Variants in PIM1 observed in about 807,000 individuals in gnomAD.
The protein encoded by PIM1 is serine/threonine-protein kinase pim-1.
In PIM1, 9 loss-of-function variants were observed where a neutral mutation model predicts 34.5. The ratio of observed to expected loss-of-function variants is 0.26; its 90% confidence interval spans 0.16 to 0.46. The LOEUF is 0.46. Ranked by LOEUF, PIM1 falls within the 20% of genes least tolerant of loss-of-function variation. The probability of loss-of-function intolerance (pLI) is 1.00; values close to 1 mark genes in which losing one functional copy is unlikely to be tolerated. For synonymous variants in PIM1, 199 were observed against 175.2 expected, an observed-to-expected ratio of 1.14 and a Z score of -1.07; for missense variants, 274 against 410.9, an observed-to-expected ratio of 0.67 and a Z score of 2.88.
At position 37,170,219 on chromosome 6, in the gene PIM1, A is replaced by C; in HGVS notation, c.-357A>C. 7.9e-7 allele frequency: 1 copy of C among 1,258,904 alleles called. No homozygotes were observed. Among genetic ancestry groups the C allele is most frequent in the Non-Finnish European group, 1.0e-6 (1 of 995,152 alleles). The allele number at this position is 1,258,904 out of a possible 1,614,324, so 78.0% of individuals were successfully genotyped here. ...GCGGTGGCTGAGGAGGCCCGAGAGG[A>C]GTCGGTGGCAGCGGCGGCGGCGGGA... On this transcript the variant is annotated 5_prime_UTR_variant, in exon 1 of 6. Coordinates refer to ENST00000373509, the MANE Select transcript of PIM1 (RefSeq NM_002648.4).
Position 37,173,977 on chromosome 6 carries a change from A to T in PIM1, c.828A>T (p.Ser276=). The part of the protein sequence containing the change: ...LIRWCLALRP[S]DRPTFEEIQN... ...GATGGTGCTTGGCCCTGAGACCATC[A>T]GATAGGCCAACCTTCGAAGAAATCC... Residue 276 remains serine (S), a synonymous_variant, in exon 6 of 6, where the codon TCA becomes TCT. Transcript: ENST00000373509. 1 of 1,614,062 alleles carries T rather than the reference A, an allele frequency of 6.2e-7. No individual in the cohort carries two copies. Among genetic ancestry groups the T allele is most frequent in the South Asian group, 1.1e-5 (1 of 91,076 alleles).
chr6:37,171,804 T>A (rs915873789), intron 4 of PIM1, among the ~76,000 whole-genome samples: 2 of 151,570 alleles, frequency 1.3e-5, no homozygotes, highest in Non-Finnish European at 3.0e-5. Context: ...TGACCCAGTT[T>A]CCCCGCCAGT....
Position 37,175,291 on chromosome 6 carries a change from G to A in PIM1, c.*1200G>A. 1 of 233,658 alleles carries A rather than the reference G, an allele frequency of 4.3e-6. No homozygotes were observed. Among genetic ancestry groups the A allele is most frequent in the East Asian group, 6.0e-5 (1 of 16,596 alleles). The allele number at this position is 233,658 out of a possible 1,614,324, so 14.5% of individuals were successfully genotyped here. On this transcript the variant is annotated 3_prime_UTR_variant, in exon 6 of 6. Coordinates refer to ENST00000373509, the MANE Select transcript of PIM1 (RefSeq NM_002648.4). Reference sequence around the variant, plus strand: ...GCAGTTCTGGATGGTGTGCCTTCCAGATCCTCTCTGGGGCTGTGTTTTGAG... The same window carrying A: ...GCAGTTCTGGATGGTGTGCCTTCCAAATCCTCTCTGGGGCTGTGTTTTGAG...
intron 1 of PIM1, 43 bp downstream of exon 1, chr6:37,170,700 G>A (rs1374213540): frequency 1.9e-6 from 3 of 1,605,228 alleles, no homozygotes; most frequent in Non-Finnish European, 2.5e-6. Context: ...GCGGGGCGGC[G>A]GCGGGATCTC....
At position 37,174,984 on chromosome 6, in the gene PIM1, A is replaced by T. The variant is rs1195598330; in HGVS notation, c.*893A>T. On this transcript the variant is annotated 3_prime_UTR_variant, in exon 6 of 6. Coordinates refer to ENST00000373509, the MANE Select transcript of PIM1 (RefSeq NM_002648.4). ...GATGCGCATTCTAACCTGGAGGTCA[A>T]TGTTATGTATTTATTTATTTATTTA... 4.3e-6 allele frequency: 1 copy of T among 233,670 alleles called. No homozygotes were observed. The highest frequency in any genetic ancestry group is 6.0e-5 in the East Asian group (1 of 16,600). The allele number at this position is 233,670 out of a possible 1,614,324, so 14.5% of individuals were successfully genotyped here. A position where few individuals can be genotyped will look rare whatever the true frequency, so the allele number is the denominator to read the frequency against.
chr6:37,174,217 C>A lies in PIM1; in HGVS notation c.*126C>A. 1.1e-6 allele frequency: 1 copy of A among 915,822 alleles called. No homozygotes were observed. The highest frequency in any genetic ancestry group is 1.6e-6 in the Non-Finnish European group (1 of 617,424). The allele number at this position is 915,822 out of a possible 1,614,324, so 56.7% of individuals were successfully genotyped here. On this transcript the variant is annotated 3_prime_UTR_variant, in exon 6 of 6. Coordinates refer to ENST00000373509, the MANE Select transcript of PIM1 (RefSeq NM_002648.4). ...AGGACAGTGCTTGATACAGGAACAACATTTACAACTCATTCCAGATCCCAG... is the reference window on the plus strand; with the variant it reads ...AGGACAGTGCTTGATACAGGAACAAAATTTACAACTCATTCCAGATCCCAG...
At chr6:37,173,448 A>G (rs1355972173) in intron 5 of PIM1, among the ~76,000 whole-genome samples, 1 of 152,246 alleles carries the variant, frequency 6.6e-6, no homozygotes, top group Non-Finnish European at 1.5e-5. Flanking sequence ...AAAGGTACCA[A>G]CAGAAACCTG....
chr6:37,174,040 G>C lies in PIM1; in HGVS notation c.891G>C (p.Gln297His). ...GGATGCAAGATGTTCTCCTGCCCCA[G>C]GAAACTGCTGAGATCCACCTCCACA... ...HPWMQDVLLP[Q>H]ETAEIHLHSL... The change falls in exon 6 of 6, where the codon CAG becomes CAC. Residue 297 changes from glutamine to histidine, a missense_variant. Gln to His is a conservative substitution (Grantham distance 24). Around this residue, in one of 2 missense-constraint regions of PIM1, gnomAD observed 168 missense variants for 299.4 expected, o/e 0.56. Coordinates refer to ENST00000373509, the MANE Select transcript of PIM1 (RefSeq NM_002648.4). 1 of 1,614,064 alleles carries C rather than the reference G, an allele frequency of 6.2e-7. No individual in the cohort carries two copies. Among genetic ancestry groups the C allele is most frequent in the Non-Finnish European group, 8.5e-7 (1 of 1,180,002 alleles).
chr6:37,172,463 C>CTAGGGAGG (rs1762307447), intron 4 of PIM1: 1 of 401,988 alleles, frequency 2.5e-6, no homozygotes, highest in African/African-American at 2.1e-5. Flanking sequence ...CCTTTCCAGT[C>CTAGGGAGG]TAGGGAGGAA....
At chr6:37,172,860 A>G in intron 4 of PIM1, 136 bp from the exon 5 acceptor site, 1 of 787,938 alleles carries the variant, frequency 1.3e-6, no homozygotes, top group Non-Finnish European at 2.2e-6. Flanking sequence ...GCCCAGAGGG[A>G]AAAATGGAGT....
At chr6:37,173,884 G>A in intron 5 of PIM1, 50 bp from the exon 6 acceptor site, 1 of 1,559,020 alleles carries the variant, frequency 6.4e-7, no homozygotes, top group Middle Eastern at 1.7e-4. Context: ...CCTTTGCAGT[G>A]TAAAAACAAG....
In PIM1 at chr6:37,170,339, T is replaced by G; in HGVS notation, c.-237T>G. The G allele has an allele frequency of 1.8e-5, 27 of 1,470,294 alleles. No homozygotes were observed. Among genetic ancestry groups the G allele is most frequent in the East Asian group, 1.7e-4 (6 of 34,620 alleles). The allele number at this position is 1,470,294 out of a possible 1,614,324, so 91.1% of individuals were successfully genotyped here. A position where few individuals can be genotyped will look rare whatever the true frequency, so the allele number is the denominator to read the frequency against. On this transcript the variant is annotated 5_prime_UTR_variant, in exon 1 of 6. Transcript: ENST00000373509. The stretch of plus-strand genomic sequence containing the variant: ...GCCCCACGAGCCGCTCACCCCGCCG[T>G]TCTCAGCGCTGCCCGACCCCGCTGG...
rs1212499238 is a variant in PIM1 at position 37,171,400 on chromosome 6, C to T, written c.516C>T (p.Asn172=). Residue 172 remains asparagine, a synonymous_variant, in exon 4 of 6, where the codon AAC becomes AAT. Coordinates refer to ENST00000373509, the MANE Select transcript of PIM1 (RefSeq NM_002648.4). ...TCCACCGCGACATCAAGGACGAAAA[C>T]ATCCTTATCGACCTCAATCGCGGCG... ...GVLHRDIKDE[N]ILIDLNRGEL... is the part of the protein sequence containing the mutation. The T allele has an allele frequency of 6.2e-7, 1 of 1,614,092 alleles. No homozygotes were observed.
Position 37,170,265 on chromosome 6 carries a change from A to G in PIM1, c.-311A>G. ...CGGGACCGGCAGCAGCAGCAGCAGC[A>G]GCAGCAGCAGCAACCACTAGCCTCC... On this transcript the variant is annotated 5_prime_UTR_variant, in exon 1 of 6. Coordinates refer to ENST00000373509, the MANE Select transcript of PIM1 (RefSeq NM_002648.4). 1 of 1,333,798 alleles carries G rather than the reference A, an allele frequency of 7.5e-7. No individual in the cohort carries two copies. Among genetic ancestry groups the G allele is most frequent in the Non-Finnish European group, 9.6e-7 (1 of 1,039,568 alleles). The allele number at this position is 1,333,798 out of a possible 1,614,324, so 82.6% of individuals were successfully genotyped here. A position where few individuals can be genotyped will look rare whatever the true frequency, so the allele number is the denominator to read the frequency against.
intron 4 of PIM1, 34 bp from the exon 5 acceptor site, chr6:37,172,962 A>G (rs1247562587): frequency 6.3e-7 from 1 of 1,595,430 alleles, no homozygotes; most frequent in Non-Finnish European, 8.6e-7. Flanking sequence ...TTTTGCTAAA[A>G]GTGTGTTTTC....
Position 37,170,874 on chromosome 6 carries a change from T to G in PIM1, c.184T>G (p.Leu62Val). ...CTCAGGCATCCGCGTCTCCGACAACTTGCCGGTGAGTGGGCGCCCCGCGGT... is the reference window on the plus strand; with the variant it reads ...CTCAGGCATCCGCGTCTCCGACAACGTGCCGGTGAGTGGGCGCCCCGCGGT... ...VYSGIRVSDNLPVAIKHVEKD... is the reference protein window; with the variant it reads ...VYSGIRVSDNVPVAIKHVEKD... The change falls in exon 2 of 6, where the codon TTG becomes GTG. Residue 62 changes from leucine to valine, a missense_variant. Transcript: ENST00000373509. The G allele has an allele frequency of 6.2e-7, 1 of 1,612,516 alleles. No homozygotes were observed. Among genetic ancestry groups the G allele is most frequent in the Non-Finnish European group, 8.5e-7 (1 of 1,179,336 alleles).
In PIM1 at chr6:37,173,992, C is replaced by G; in HGVS notation, c.843C>G (p.Phe281Leu). ...LALRPSDRPTFEEIQNHPWMQ... is the reference protein window; with the variant it reads ...LALRPSDRPTLEEIQNHPWMQ... ...TGAGACCATCAGATAGGCCAACCTT[C>G]GAAGAAATCCAGAACCATCCATGGA... Residue 281 changes from phenylalanine to leucine, a missense_variant, in exon 6 of 6, where the codon TTC becomes TTG. Physicochemically the swap from Phe to Leu is conservative, Grantham distance 22. This residue lies in a region of PIM1 where 168 missense variants were observed against 299.4 expected (regional missense o/e 0.56). Transcript: ENST00000373509. 1.9e-6 allele frequency: 3 copies of G among 1,614,068 alleles called. No homozygotes were observed. Among genetic ancestry groups the G allele is most frequent in the Non-Finnish European group, 2.5e-6 (3 of 1,179,970 alleles).
Position 37,174,119 on chromosome 6 carries a change from CTT to C in PIM1, c.*29_*30del, listed in dbSNP as rs372654908. 8.2e-5 allele frequency: 131 copies of C among 1,596,410 alleles called. 1 individual carries two copies. In the Middle Eastern group the frequency reaches 1.1e-3, roughly 13 times the overall value. On this transcript the variant is annotated 3_prime_UTR_variant, in exon 6 of 6. Coordinates refer to ENST00000373509, the MANE Select transcript of PIM1 (RefSeq NM_002648.4). ...GCCTTTCTGGCAGGTCCTCCCCTCT[CTT>C]GTCAGATGCCCGAGGGAGGGGAAGC...
At chr6:37,171,674 C>T (rs1232381143) in intron 4 of PIM1, among the ~76,000 whole-genome samples, 183 bp downstream of exon 4, 3 of 152,260 alleles carry the variant, frequency 2.0e-5, no homozygotes, top group East Asian at 1.9e-4. Flanking sequence ...TTTCAGCCAG[C>T]TGAACCTGTA....
Sources: gnomAD v4.1 joint callset for allele counts (sites outside exome capture counted in the v4.1 genomes callset) on GRCh38, gnomAD v4.1.1 for gene constraint, gnomAD v4.1.1 regional missense constraint, MANE v1.5 for transcripts, NCBI Gene and HGNC (gene_info 2026-07-23, HGNC 2026-07-21) for gene names.